SMCHD1: variants seen among roughly 807,000 people sequenced by gnomAD.
The protein encoded by SMCHD1 is structural maintenance of chromosomes flexible hinge domain-containing protein 1.
Under a neutral mutation model 254.7 loss-of-function variants are expected in SMCHD1, and 78 were observed. That is an observed-to-expected ratio of 0.31 (90% CI 0.26 to 0.37). The LOEUF (loss-of-function observed/expected upper bound fraction) is 0.37, where lower values mean the gene tolerates loss of function less well. Ranked by LOEUF, SMCHD1 falls within the 10% of genes least tolerant of loss-of-function variation. SMCHD1 has a pLI of 1.00. For synonymous variants in SMCHD1, 766 were observed against 794.9 expected, an observed-to-expected ratio of 0.96 and a Z score of 0.61; for missense variants, 1,840 against 2,408.1, an observed-to-expected ratio of 0.76 and a Z score of 4.94.
At chr18:2,737,659 C>T (rs2075275705) in intron 25 of SMCHD1, among the ~76,000 whole-genome samples, 1 of 152,202 alleles carries the variant, frequency 6.6e-6, no homozygotes, top group South Asian at 2.1e-4. Flanking sequence ...CTCCAGTGAG[C>T]TATGATCATT....
intron 5 of SMCHD1, among the ~76,000 whole-genome samples, chr18:2,684,581 T>A (rs1204021993): frequency 1.3e-5 from 2 of 152,136 alleles, no homozygotes. Flanking sequence ...TTAGATCAGT[T>A]GCTTTTAATT....
At chr18:2,660,454 A>G (rs1598273342) in intron 1 of SMCHD1, among the ~76,000 whole-genome samples, 1 of 151,236 alleles carries the variant, frequency 6.6e-6, no homozygotes, top group East Asian at 1.9e-4. Flanking sequence ...TAATAAATTT[A>G]TAGATTAAAA....
chr18:2,704,830 T>C (rs1207367763), intron 13 of SMCHD1, among the ~76,000 whole-genome samples: 2 of 151,990 alleles, frequency 1.3e-5, no homozygotes, highest in African/African-American at 4.8e-5. Context: ...CTATACTTGG[T>C]GAGTATAGCT....
intron 20 of SMCHD1, among the ~76,000 whole-genome samples, chr18:2,724,018 T>A (rs1327921974): frequency 1.3e-5 from 2 of 151,640 alleles, no homozygotes; most frequent in African/African-American, 4.9e-5. Flanking sequence ...TTTTTCTTTA[T>A]GTTTTCCTTT....
In SMCHD1 at chr18:2,725,143, C is replaced by T. The variant is rs550159222; in HGVS notation, c.2700+148C>T. 3 of 447,718 alleles carry T rather than the reference C, an allele frequency of 6.7e-6. No individual in the cohort carries two copies. In the East Asian group the frequency reaches 1.0e-4, roughly 15 times the overall value. 27.7% of individuals were successfully genotyped at this position (447,718 alleles called of 1,614,324 possible). On this transcript the variant is annotated intron_variant, in intron 21 of 47. Coordinates refer to ENST00000320876, the MANE Select transcript of SMCHD1 (RefSeq NM_015295.3). ...TCTTAGGAATTTATCAGCATTATGC[C>T]ACCTGACTTATCAGTTACATCTGTA...
intron 3 of SMCHD1, among the ~76,000 whole-genome samples, chr18:2,668,085 G>A (rs903881425): frequency 6.6e-5 from 10 of 152,076 alleles, no homozygotes; most frequent in Admixed American, 2.0e-4. Flanking sequence ...TCACCATGTT[G>A]ACCAGGCTGG....
chr18:2,738,693 G>A (rs1318135438), intron 26 of SMCHD1, 148 bp downstream of exon 26: 9 of 770,942 alleles, frequency 1.2e-5, no homozygotes, highest in African/African-American at 1.8e-5. Context: ...ATTGGTGATA[G>A]CGATTAATTT....
chr18:2,702,721 T>C (rs768222471), intron 12 of SMCHD1, among the ~76,000 whole-genome samples: 12 of 152,196 alleles, frequency 7.9e-5, no homozygotes, highest in South Asian at 2.1e-4. Flanking sequence ...CATATAACTT[T>C]AAAAAAATCA....
intron 37 of SMCHD1, 77 bp from the exon 38 acceptor site, chr18:2,769,617 T>G: frequency 6.9e-7 from 1 of 1,445,272 alleles, no homozygotes; most frequent in Non-Finnish European, 9.4e-7. Flanking sequence ...AACAGCATAA[T>G]GAGTTATGTA....
At chr18:2,698,708 A>G (rs1378571404) in intron 10 of SMCHD1, among the ~76,000 whole-genome samples, 1 of 151,738 alleles carries the variant, frequency 6.6e-6, no homozygotes, top group Non-Finnish European at 1.5e-5. Context: ...ATAGGGATTT[A>G]ACAATTATTT....
At chr18:2,744,192 A>C (rs531463633) in intron 29 of SMCHD1, among the ~76,000 whole-genome samples, 86 of 152,312 alleles carry the variant, frequency 5.6e-4, no homozygotes, top group African/African-American at 2.0e-3. Flanking sequence ...AGCATGCATA[A>C]AAATAAAAAG....
At chr18:2,753,851 C>T (rs1279115871) in intron 34 of SMCHD1, among the ~76,000 whole-genome samples, 1 of 152,134 alleles carries the variant, frequency 6.6e-6, no homozygotes, top group Non-Finnish European at 1.5e-5. Context: ...GCCACCGTGC[C>T]CGGCCCTTCC....
chr18:2,738,325 G>A, intron 25 of SMCHD1, 72 bp from the exon 26 acceptor site: 2 of 1,335,716 alleles, frequency 1.5e-6, no homozygotes, highest in Non-Finnish European at 2.0e-6. Context: ...GTAGTTTTAA[G>A]AGTAAGATAA....
At chr18:2,786,931 G>A (rs1030985850) in intron 45 of SMCHD1, among the ~76,000 whole-genome samples, 3 of 148,006 alleles carry the variant, frequency 2.0e-5, no homozygotes, top group African/African-American at 7.3e-5. Flanking sequence ...ACTTCATTGT[G>A]TGAATGAAAT....
In SMCHD1 at chr18:2,769,999, G is replaced by A. The variant is rs747891781; in HGVS notation, c.4857G>A (p.Lys1619=). ...AATTTTTTTTCTTAGATGTTAAGAAGCAGCAACAAATGGCAGCACTTACAA... is the reference window on the plus strand; with the variant it reads ...AATTTTTTTTCTTAGATGTTAAGAAACAGCAACAAATGGCAGCACTTACAA... ...LPFMFYNDVK[K]QQQMAALTKE... The change falls in exon 39 of 48, where the codon AAG becomes AAA. Residue 1619 remains lysine, a synonymous_variant. Coordinates refer to ENST00000320876, the MANE Select transcript of SMCHD1 (RefSeq NM_015295.3). 1 of 1,585,296 alleles carries A rather than the reference G, an allele frequency of 6.3e-7. No individual in the cohort carries two copies. The highest frequency in any genetic ancestry group is 8.5e-7 in the Non-Finnish European group (1 of 1,171,948).
intron 30 of SMCHD1, among the ~76,000 whole-genome samples, 167 bp from the exon 31 acceptor site, chr18:2,749,876 T>G (rs916027144): frequency 3.9e-5 from 6 of 152,204 alleles, no homozygotes; most frequent in Non-Finnish European, 8.8e-5. Context: ...TATCATTACA[T>G]ACTACATTAT....
rs1206037512 is a variant in SMCHD1 at position 2,655,975 on chromosome 18, G to A, written c.-101G>A. The A allele has an allele frequency of 2.9e-6, 3 of 1,029,002 alleles. No individual in the cohort carries two copies. Among genetic ancestry groups the A allele is most frequent in the Non-Finnish European group, 3.7e-6 (3 of 802,572 alleles). The allele number at this position is 1,029,002 out of a possible 1,614,324, so 63.7% of individuals were successfully genotyped here. On this transcript the variant is annotated 5_prime_UTR_variant, in exon 1 of 48. Transcript: ENST00000320876. Reference sequence around the variant, plus strand: ...GCAGCGCGCCGGGCCGAGGCCTCGAGCCGCCCCGGGAGCTGGAGCTGAAGG... The same window carrying A: ...GCAGCGCGCCGGGCCGAGGCCTCGAACCGCCCCGGGAGCTGGAGCTGAAGG...
intron 3 of SMCHD1, among the ~76,000 whole-genome samples, chr18:2,669,095 C>T (rs1005125786): frequency 1.3e-5 from 2 of 151,868 alleles, no homozygotes; most frequent in Non-Finnish European, 2.9e-5. Flanking sequence ...CCTGTAATCC[C>T]AGCACTTTGA....
At chr18:2,719,413 C>T (rs1320809274) in intron 19 of SMCHD1, among the ~76,000 whole-genome samples, 1 of 151,748 alleles carries the variant, frequency 6.6e-6, no homozygotes, top group African/African-American at 2.4e-5. Flanking sequence ...CTTCTTGCCT[C>T]AGCCTCCCAA....
Sources: allele counts gnomAD v4.1 joint callset (sites outside exome capture counted in the v4.1 genomes callset), GRCh38; gene constraint gnomAD v4.1.1; transcripts MANE v1.5; gene names NCBI Gene and HGNC (gene_info 2026-07-23, HGNC 2026-07-21).